SHISAL1: variants seen among roughly 807,000 people sequenced by gnomAD.
The protein encoded by SHISAL1 is protein shisa-like-1.
Under a neutral mutation model 22.6 loss-of-function variants are expected in SHISAL1, and 9 were observed. The ratio of observed to expected loss-of-function variants is 0.40; its 90% CI spans 0.24 to 0.70. The LOEUF is 0.70. SHISAL1 is among the 30% of genes least tolerant of loss of function. The pLI, the probability that SHISAL1 is intolerant of heterozygous loss-of-function variation, is 0.39. For missense variants in SHISAL1, 246 were observed against 270.6 expected, an observed-to-expected ratio of 0.91 and a Z score of 0.64; for synonymous variants, 119 against 115.4, an observed-to-expected ratio of 1.03 and a Z score of -0.20.
At chr22:44,317,200 G>A (rs2055563288), upstream of SHISAL1, among the ~76,000 whole-genome samples, 3 of 152,314 alleles carry the variant, frequency 2.0e-5, no homozygotes, top group South Asian at 6.2e-4. Flanking sequence ...TGGCATGGAA[G>A]CTGCTGGGCG....
intron 4 of SHISAL1, among the ~76,000 whole-genome samples, chr22:44,254,965 C>G (rs567753588): frequency 6.6e-6 from 1 of 152,232 alleles, no homozygotes; most frequent in Non-Finnish European, 1.5e-5. Context: ...GTGGTCAATT[C>G]TCAGTCCCCC....
At chr22:44,318,680 G>A in the SHISAL1 span, among the ~76,000 whole-genome samples, 1 of 152,270 alleles carries the variant, frequency 6.6e-6, no homozygotes, top group South Asian at 2.1e-4. Flanking sequence ...GTGGTTAGGA[G>A]GGGTCAGTCA....
At chr22:44,289,356 T>A (rs547925063) in intron 3 of SHISAL1, among the ~76,000 whole-genome samples, 2 of 152,358 alleles carry the variant, frequency 1.3e-5, no homozygotes, top group South Asian at 4.1e-4. Context: ...AGGGGTCCCC[T>A]GTACCTGCGT....
the SHISAL1 span, among the ~76,000 whole-genome samples, chr22:44,318,212 A>G: frequency 6.6e-6 from 1 of 152,278 alleles, no homozygotes; most frequent in Non-Finnish European, 1.5e-5. Flanking sequence ...GCTTTCCAAA[A>G]AGGAACATCC....
intron 3 of SHISAL1, among the ~76,000 whole-genome samples, chr22:44,287,567 C>T (rs1311031293): frequency 6.6e-6 from 1 of 152,162 alleles, no homozygotes; most frequent in East Asian, 1.9e-4. Flanking sequence ...CCAGCCCCCA[C>T]CACCATGAAG....
intron 4 of SHISAL1, among the ~76,000 whole-genome samples, chr22:44,262,774 C>G (rs900530432): frequency 1.3e-5 from 2 of 152,294 alleles, no homozygotes; most frequent in Non-Finnish European, 2.9e-5. Flanking sequence ...GCAGGGCCCA[C>G]GGGGTGAGGA....
rs1435212700 is a variant in SHISAL1, at chr22:44,301,091, G to A, written c.-32-114C>T. ...CAGCGGGCAGGAGAGCGAGTTTGTC[G>A]GGAGCAGGGGCCGGGTGCGGACGAT... is the stretch of plus-strand genomic sequence containing the variant. On this transcript the variant is annotated intron_variant, in intron 1 of 4. Transcript: ENST00000381176. The A allele has an allele frequency of 1.1e-5, 7 of 652,402 alleles. 1 individual carries two copies. The highest frequency in any genetic ancestry group is 2.9e-5 in the East Asian group (1 of 34,996). The allele number at this position is 652,402 out of a possible 1,614,324, so 40.4% of individuals were successfully genotyped here.
the SHISAL1 span, among the ~76,000 whole-genome samples, chr22:44,325,591 A>G: frequency 4.6e-5 from 7 of 152,172 alleles, no homozygotes; most frequent in African/African-American, 1.7e-4. Context: ...CACAGAGCCC[A>G]TGAGATCCAG....
At position 44,249,455 on chromosome 22, in the gene SHISAL1, G is replaced by A. The variant is rs2055030717; in HGVS notation, c.*230C>T. On this transcript the variant is annotated 3_prime_UTR_variant, in exon 5 of 5. Transcript: ENST00000381176. ...GCCCAAAATAGGACTATTGCTTGCGGACAGGTGGCTCAGAATCCCCTCCCC... is the reference window on the plus strand; with the variant it reads ...GCCCAAAATAGGACTATTGCTTGCGAACAGGTGGCTCAGAATCCCCTCCCC... 1 of 499,036 alleles carries A rather than the reference G, an allele frequency of 2.0e-6. No homozygotes were observed. Among genetic ancestry groups the A allele is most frequent in the African/African-American group, 2.0e-5 (1 of 50,228 alleles). The allele number at this position is 499,036 out of a possible 1,614,324, so 30.9% of individuals were successfully genotyped here.
chr22:44,331,058 C>T, the SHISAL1 span, among the ~76,000 whole-genome samples: 6 of 152,058 alleles, frequency 3.9e-5, no homozygotes, highest in Admixed American at 3.3e-4. The surrounding 1 kb of genome is among the most constrained non-coding windows in gnomAD (Gnocchi z 5.2). Flanking sequence ...GGAAGCCAGT[C>T]CCCCCCTTGG....
At chr22:44,303,184 T>C (rs941914941) in intron 1 of SHISAL1, among the ~76,000 whole-genome samples, 10 of 152,054 alleles carry the variant, frequency 6.6e-5, no homozygotes, top group Non-Finnish European at 1.3e-4. Context: ...GCATCTACTA[T>C]GTGCCCGGCT....
the SHISAL1 span, among the ~76,000 whole-genome samples, chr22:44,319,271 A>G: frequency 6.6e-6 from 1 of 152,250 alleles, no homozygotes; most frequent in African/African-American, 2.4e-5. Flanking sequence ...CTACTGCCCA[A>G]GTCTGCAGAT....
chr22:44,304,067 A>T (rs9614432), intron 1 of SHISAL1, among the ~76,000 whole-genome samples: 48,129 of 152,142 alleles, frequency 0.32, 9,006 homozygotes, highest in African/African-American at 0.53. Flanking sequence ...GCCCCTCTGC[A>T]TGCCCAGACT....
upstream of SHISAL1, among the ~76,000 whole-genome samples, chr22:44,314,555 G>A (rs969708914): frequency 1.3e-5 from 2 of 152,172 alleles, no homozygotes; most frequent in African/African-American, 4.8e-5. Context: ...GACAGAGGTT[G>A]GAAGCACAAC....
intron 1 of SHISAL1, among the ~76,000 whole-genome samples, chr22:44,308,013 C>A (rs113078976): frequency 0.032 from 4,926 of 152,254 alleles, 136 homozygotes; most frequent in Non-Finnish European, 0.046. Flanking sequence ...CACGACCAAG[C>A]GCGACACCTC....
intron 4 of SHISAL1, among the ~76,000 whole-genome samples, chr22:44,261,346 T>G (rs1469271714): frequency 2.6e-5 from 4 of 151,796 alleles, no homozygotes; most frequent in Admixed American, 2.6e-4. Flanking sequence ...CCTAGAAAAC[T>G]CCTACACATC....
Position 44,249,539 on chromosome 22 carries a change from G to A in SHISAL1, c.*146C>T. On this transcript the variant is annotated 3_prime_UTR_variant, in exon 5 of 5. Transcript: ENST00000381176. Reference sequence around the variant, plus strand: ...TAATCTTAGAAGTCCGCGGAAGGGGGCTTTGGGCACAGGCAGCATTTCCTC... The same window carrying A: ...TAATCTTAGAAGTCCGCGGAAGGGGACTTTGGGCACAGGCAGCATTTCCTC... 2 of 668,974 alleles carry A rather than the reference G, an allele frequency of 3.0e-6. No homozygotes were observed. The highest frequency in any genetic ancestry group is 3.1e-4 in the Middle Eastern group (1 of 3,184). 41.4% of individuals were successfully genotyped at this position (668,974 alleles called of 1,614,324 possible).
At chr22:44,318,039 C>T in the SHISAL1 span, among the ~76,000 whole-genome samples, 1 of 152,252 alleles carries the variant, frequency 6.6e-6, no homozygotes. Flanking sequence ...AGAAGCCCCT[C>T]CAGGGGAAGG....
chr22:44,262,652 C>A (rs1173500406), intron 4 of SHISAL1, among the ~76,000 whole-genome samples: 1 of 152,204 alleles, frequency 6.6e-6, no homozygotes, highest in African/African-American at 2.4e-5. Flanking sequence ...CGCAGGGCCA[C>A]ACGGCCAGCC....
Sources: allele counts gnomAD v4.1 joint callset (sites outside exome capture counted in the v4.1 genomes callset), GRCh38; gene constraint gnomAD v4.1.1; non-coding constraint Gnocchi (gnomAD v3.1); transcripts MANE v1.5; gene names NCBI Gene and HGNC (gene_info 2026-07-23, HGNC 2026-07-21).